SLC16A3: variants seen among roughly 807,000 people sequenced by gnomAD.
SLC16A3 encodes monocarboxylate transporter 4.
In SLC16A3, 22 loss-of-function variants were observed where a neutral mutation model predicts 25.0. The observed-to-expected ratio is 0.88, with a 90% CI of 0.63 to 1.26. The LOEUF is 1.26. SLC16A3 is among the 50% of genes most tolerant of loss of function. The probability of loss-of-function intolerance (pLI) is 0.00; values close to 1 mark genes in which losing one functional copy is unlikely to be tolerated. For synonymous variants in SLC16A3, 390 were observed against 309.2 expected (o/e 1.26, Z -2.74); for missense variants, 731 against 666.6 (o/e 1.10, Z -1.06).
At chr17:82,219,380 G>A (rs1041280199) in intron 1 of SLC16A3, among the ~76,000 whole-genome samples, 4 of 152,040 alleles carry the variant, frequency 2.6e-5, no homozygotes, top group Non-Finnish European at 5.9e-5. Context: ...TAGTCTGTGC[G>A]GTGAGGGTGA....
intron 1 of SLC16A3, among the ~76,000 whole-genome samples, chr17:82,220,546 G>A (rs2050382843): frequency 6.6e-6 from 1 of 152,188 alleles, no homozygotes; most frequent in African/African-American, 2.4e-5. Context: ...GGAGGTGGGA[G>A]AATCACCTGA....
At chr17:82,232,008 A>G (rs2050504259) in intron 1 of SLC16A3, 1 of 152,202 alleles carries the variant, frequency 6.6e-6, no homozygotes, top group Non-Finnish European at 1.5e-5. Context: ...TTGTTTGCAC[A>G]ACAGGGGCTG....
rs1021494540 is a variant in SLC16A3 at position 82,239,495 on chromosome 17, G to C, written c.*519G>C. ...AGTGTTAGGACCAACGGTTTCCTAGGAGTATGTGGTTTTGCTGTGTGGCCT... is the reference window on the plus strand; with the variant it reads ...AGTGTTAGGACCAACGGTTTCCTAGCAGTATGTGGTTTTGCTGTGTGGCCT... On this transcript the variant is annotated 3_prime_UTR_variant, in exon 5 of 5. Transcript: ENST00000582743. 1.2e-5 allele frequency: 2 copies of C among 170,240 alleles called. No individual in the cohort carries two copies. Among genetic ancestry groups the C allele is most frequent in the Non-Finnish European group, 2.5e-5 (2 of 80,538 alleles). 10.5% of individuals were successfully genotyped at this position (170,240 alleles called of 1,614,324 possible).
chr17:82,224,118 A>T (rs1232602175), upstream of SLC16A3, among the ~76,000 whole-genome samples: 1 of 111,740 alleles, frequency 8.9e-6, no homozygotes, highest in African/African-American at 3.6e-5. Flanking sequence ...GTGCAGACAC[A>T]CCCCTACACC....
chr17:82,219,111 A>G (rs777305730), intron 1 of SLC16A3, among the ~76,000 whole-genome samples: 32 of 152,090 alleles, frequency 2.1e-4, no homozygotes, highest in Non-Finnish European at 4.3e-4. Flanking sequence ...AGGTGTGGGC[A>G]GGGAGGAGAG....
rs531072036 is a variant in SLC16A3, at chr17:82,218,928, C to T, written c.-27+744C>T. ...GGGCACCGCTAGGGCTTGGGGACCACGGGACTTGCCACTGGACATGGGGGT... is the reference window on the plus strand; with the variant it reads ...GGGCACCGCTAGGGCTTGGGGACCATGGGACTTGCCACTGGACATGGGGGT... On this transcript the variant is annotated intron_variant, in intron 1 of 4. Transcript: ENST00000580098. Among the ~76,000 whole-genome samples the T allele has an allele frequency of 7.9e-5, 12 of 152,230 alleles. 1 individual carries two copies. Among genetic ancestry groups the T allele is most frequent in the African/African-American group, 2.9e-4 (12 of 41,544 alleles).
chr17:82,238,014 G>A, intron 4 of SLC16A3, 121 bp downstream of exon 4: 1 of 1,211,112 alleles, frequency 8.3e-7, no homozygotes, highest in Non-Finnish European at 1.1e-6. Context: ...AGAGCTGGAG[G>A]GGGTGCACTG....
chr17:82,232,461 G>A (rs987940039), intron 1 of SLC16A3: 1 of 152,430 alleles, frequency 6.6e-6, no homozygotes, highest in African/African-American at 2.4e-5. Context: ...CCGGAGGAGC[G>A]GGCTTGGGCA....
Position 82,238,795 on chromosome 17 carries a change from A to G in SLC16A3, c.1217A>G (p.Asn406Ser). The change falls in exon 5 of 5, where the codon AAC (asparagine) becomes AGC (serine). Residue 406 changes from asparagine to serine, a missense_variant. Physicochemically the swap from Asn to Ser is conservative, Grantham distance 46. Transcript: ENST00000582743. ...TCCTCCCTGATTTTGCTGCTGGGCA[A>G]CTTCTTCTGCATTAGGAAGAAGCCC... ...LTSSLILLLG[N>S]FFCIRKKPKE... 6.2e-7 allele frequency: 1 copy of G among 1,612,796 alleles called. No individual in the cohort carries two copies. The highest frequency in any genetic ancestry group is 8.5e-7 in the Non-Finnish European group (1 of 1,179,958).
chr17:82,227,582 T>TGGGCGGGAGCACCACCG (rs2050432410), upstream of SLC16A3, among the ~76,000 whole-genome samples: 3 of 136,646 alleles, frequency 2.2e-5, no homozygotes, highest in Admixed American at 7.1e-5. Flanking sequence ...GAGCACCACC[T>TGGGCGGGAGCACCACCG]GCCCTGGGCG....
At chr17:82,231,803 C>T (rs1007151827) in intron 1 of SLC16A3, 2 of 151,314 alleles carry the variant, frequency 1.3e-5, no homozygotes, top group Non-Finnish European at 2.9e-5. Context: ...CCCGCCGGCC[C>T]CTGCCGTCGT....
Position 82,236,094 on chromosome 17 carries a change from T to C in SLC16A3, c.86T>C (p.Phe29Ser). 1 of 1,613,098 alleles carries C rather than the reference T, an allele frequency of 6.2e-7. No homozygotes were observed. The highest frequency in any genetic ancestry group is 1.7e-5 in the Admixed American group (1 of 60,028). Residue 29 changes from phenylalanine (F) to serine (S), a missense_variant, in exon 2 of 5, where the codon TTC becomes TCC. Physicochemically the swap from Phe to Ser is radical, Grantham distance 155 (BLOSUM62 -2). Transcript: ENST00000582743. ...GWGWAVLFGC[F>S]VITGFSYAFP... is the part of the protein sequence containing the mutation. ...GGCTGGGCCGTGCTCTTCGGCTGTT[T>C]CGTCATCACTGGCTTCTCCTACGCC...
chr17:82,236,596 GGGTGCCCCT>G, intron 2 of SLC16A3, 124 bp from the exon 3 acceptor site: 1 of 1,336,890 alleles, frequency 7.5e-7, no homozygotes, highest in Non-Finnish European at 1.0e-6. Flanking sequence ...CCTGCCCACG[GGGTGCCCCT>G]GGTGCCCCGC....
intron 1 of SLC16A3, chr17:82,229,563 T>TTTCCCCTG (rs1170874086): frequency 1.3e-5 from 2 of 152,336 alleles, no homozygotes; most frequent in African/African-American, 4.8e-5. Flanking sequence ...GCCGTGGCGC[T>TTTCCCCTG]TTCCCCTGTT....
In SLC16A3 at chr17:82,237,120, A is replaced by G; in HGVS notation, c.368-18A>G. On this transcript the variant is annotated intron_variant, in intron 3 of 4. Coordinates refer to ENST00000582743, the MANE Select transcript of SLC16A3 (RefSeq NM_004207.4). Reference sequence around the variant, plus strand: ...GGGGCAGCCTTGGGGGGCTCTCACCACATTCCCTTTCCTCCAGGGTTGGGT... The same window carrying G: ...GGGGCAGCCTTGGGGGGCTCTCACCGCATTCCCTTTCCTCCAGGGTTGGGT... 1 of 1,494,418 alleles carries G rather than the reference A, an allele frequency of 6.7e-7. No homozygotes were observed. The highest frequency in any genetic ancestry group is 8.9e-7 in the Non-Finnish European group (1 of 1,120,306). 92.6% of individuals were successfully genotyped at this position (1,494,418 alleles called of 1,614,324 possible). A position where few individuals can be genotyped will look rare whatever the true frequency, so the allele number is the denominator to read the frequency against.
At chr17:82,219,596 G>T (rs1183549748) in intron 1 of SLC16A3, among the ~76,000 whole-genome samples, 1 of 151,946 alleles carries the variant, frequency 6.6e-6, no homozygotes, top group Non-Finnish European at 1.5e-5. Flanking sequence ...CCCAGGTGCC[G>T]GTGGCCGCCC....
chr17:82,232,226 G>A (rs1045225817), intron 1 of SLC16A3: 7 of 152,320 alleles, frequency 4.6e-5, no homozygotes, highest in African/African-American at 1.7e-4. Flanking sequence ...ATCCTTCAAG[G>A]GCTGGAGTCA....
intron 2 of SLC16A3, 32 bp from the exon 3 acceptor site, chr17:82,236,697 G>C (rs992153314): frequency 6.3e-7 from 1 of 1,592,322 alleles, no homozygotes; most frequent in Non-Finnish European, 8.5e-7. Flanking sequence ...CTGGCTGCAG[G>C]CCCGGCCCCT....
intron 3 of SLC16A3, 92 bp downstream of exon 3, chr17:82,236,964 G>A: frequency 7.1e-6 from 11 of 1,540,414 alleles, no homozygotes; most frequent in Non-Finnish European, 9.6e-6. Flanking sequence ...AGGACAGCAG[G>A]GCGGGTGGCT....
Sources: allele counts gnomAD v4.1 joint callset (sites outside exome capture counted in the v4.1 genomes callset), GRCh38; gene constraint gnomAD v4.1.1; transcripts MANE v1.5; gene names NCBI Gene and HGNC (gene_info 2026-07-23, HGNC 2026-07-21).